The following ACADSB variants were observed in gnomAD, a reference collection of about 807,000 sequenced individuals.
ACADSB encodes acyl-CoA dehydrogenase short/branched chain, also known as short/branched chain specific acyl-CoA dehydrogenase, mitochondrial.
In ACADSB, 40 loss-of-function variants were observed where a neutral mutation model predicts 54.1. The observed-to-expected ratio is 0.74, with a 90% CI of 0.57 to 0.96. The LOEUF (loss-of-function observed/expected upper bound fraction) is 0.96. ACADSB is among the 40% of genes least tolerant of loss of function. ACADSB has a pLI of 0.00. For missense variants in ACADSB, 530 were observed against 510.4 expected (o/e 1.04, Z -0.37); for synonymous variants, 182 against 182.8 (o/e 1.00, Z 0.03).
At chr10:123,044,621 CT>C in intron 7 of ACADSB, 136 bp downstream of exon 7, 1 of 713,268 alleles carries the variant, frequency 1.4e-6, no homozygotes, top group Non-Finnish European at 2.5e-6. Flanking sequence ...GATAGAATGG[CT>C]TATTATTTCT....
chr10:123,013,871 G>A (rs1278438497), intron 1 of ACADSB, among the ~76,000 whole-genome samples: 1 of 152,134 alleles, frequency 6.6e-6, no homozygotes, highest in East Asian at 1.9e-4. Flanking sequence ...CCTGGTTCCC[G>A]CCCATGCCTC....
At position 123,057,984 on chromosome 10, in the gene ACADSB, A is replaced by G. The variant is rs563575934; in HGVS notation, c.*4219A>G. The G allele has an allele frequency of 2.7e-5, 4 of 150,760 alleles. No individual in the cohort carries two copies. The South Asian group carries it at 6.2e-4, about 23-fold the overall frequency. The allele number at this position is 150,760 out of a possible 1,614,324, so 9.3% of individuals were successfully genotyped here. On this transcript the variant is annotated 3_prime_UTR_variant, in exon 11 of 11. Transcript: ENST00000358776. ...TTAACTGGTAAAGAATGAACATTTC[A>G]GAAGTGTTAGGATTAGTCAGTGTCA...
At chr10:123,046,462 C>T (rs966515110) in intron 7 of ACADSB, among the ~76,000 whole-genome samples, 2 of 152,182 alleles carry the variant, frequency 1.3e-5, no homozygotes, top group African/African-American at 4.8e-5. Flanking sequence ...AAAATTGTCA[C>T]CACGTCCTGT....
intron 1 of ACADSB, among the ~76,000 whole-genome samples, chr10:123,015,868 A>G (rs995351225): frequency 1.3e-5 from 2 of 152,224 alleles, no homozygotes; most frequent in African/African-American, 4.8e-5. Flanking sequence ...AGACCATTTC[A>G]CAAGTCCACT....
intron 1 of ACADSB, among the ~76,000 whole-genome samples, chr10:123,015,644 A>G (rs1368559863): frequency 6.6e-6 from 1 of 152,226 alleles, no homozygotes; most frequent in African/African-American, 2.4e-5. Context: ...TTCTCCTTAT[A>G]ACCTGGTAGG....
chr10:123,058,142 A>G lies in ACADSB; in HGVS notation c.*4377A>G, dbSNP rs1303691822. The G allele has an allele frequency of 6.6e-6, 1 of 152,190 alleles. No individual in the cohort carries two copies. Among genetic ancestry groups the G allele is most frequent in the African/African-American group, 2.4e-5 (1 of 41,460 alleles). 9.4% of individuals were successfully genotyped at this position (152,190 alleles called of 1,614,324 possible). A position where few individuals can be genotyped will look rare whatever the true frequency, so the allele number is the denominator to read the frequency against. The stretch of plus-strand genomic sequence containing the variant: ...GATGTATTTTATAAATGTACTAGTT[A>G]TATCCTTGTTTATGTATTTTTGCTG... On this transcript the variant is annotated 3_prime_UTR_variant, in exon 11 of 11. Transcript: ENST00000358776.
In ACADSB at chr10:123,041,332, G is replaced by GATCCAGCACC. The variant is rs1224141540; in HGVS notation, c.635_636insTCCAGCACCA (p.Glu212AspfsTer22). On this transcript the variant is annotated frameshift_variant, in exon 5 of 11. Coordinates refer to ENST00000358776, the MANE Select transcript of ACADSB (RefSeq NM_001609.4). LOFTEE classifies it high-confidence loss of function. Reference sequence around the variant, plus strand: ...ATCAAAGATGTGGATCAGCAGTGCTGAGCACGCAGGGCTCTTTCTGGTGAT... The same window carrying GATCCAGCACC: ...ATCAAAGATGTGGATCAGCAGTGCTGATCCAGCACCAGCACGCAGGGCTCTTTCTGGTGAT... The GATCCAGCACC allele has an allele frequency of 6.2e-7, 1 of 1,614,196 alleles. No homozygotes were observed. Among genetic ancestry groups the GATCCAGCACC allele is most frequent in the South Asian group, 1.1e-5 (1 of 91,082 alleles).
Position 123,058,274 on chromosome 10 carries a change from G to A in ACADSB, c.*4509G>A, listed in dbSNP as rs936847867. 1 of 152,060 alleles carries A rather than the reference G, an allele frequency of 6.6e-6. No individual in the cohort carries two copies. Among genetic ancestry groups the A allele is most frequent in the African/African-American group, 2.4e-5 (1 of 41,398 alleles). The allele number at this position is 152,060 out of a possible 1,614,324, so 9.4% of individuals were successfully genotyped here. Reference sequence around the variant, plus strand: ...TTCTATGGAGAATGAAAAAAATAAAGGACTAAATTAACTGGAGATTTTTGG... The same window carrying A: ...TTCTATGGAGAATGAAAAAAATAAAAGACTAAATTAACTGGAGATTTTTGG... On this transcript the variant is annotated 3_prime_UTR_variant, in exon 11 of 11. Transcript: ENST00000358776.
chr10:123,054,374 T>C lies in ACADSB; in HGVS notation c.*609T>C, dbSNP rs1850677523. 6.5e-6 allele frequency: 1 copy of C among 152,734 alleles called. No homozygotes were observed. Among genetic ancestry groups the C allele is most frequent in the Non-Finnish European group, 1.5e-5 (1 of 68,394 alleles). The allele number at this position is 152,734 out of a possible 1,614,324, so 9.5% of individuals were successfully genotyped here. On this transcript the variant is annotated 3_prime_UTR_variant, in exon 11 of 11. Coordinates refer to ENST00000358776, the MANE Select transcript of ACADSB (RefSeq NM_001609.4). ...AGTATACAGAAGTTTCATCCCATCA[T>C]TTGGAAAAATAAAGGCATCTGAAGT...
intron 1 of ACADSB, among the ~76,000 whole-genome samples, chr10:123,013,496 G>C (rs928365711): frequency 3.9e-5 from 6 of 152,256 alleles, no homozygotes; most frequent in African/African-American, 1.2e-4. Context: ...CTCGCGCCTC[G>C]TGCCTGCACT....
chr10:123,013,994 T>C (rs553284982), intron 1 of ACADSB, among the ~76,000 whole-genome samples: 1 of 152,308 alleles, frequency 6.6e-6, no homozygotes, highest in Non-Finnish European at 1.5e-5. Flanking sequence ...GTGGCCAGAA[T>C]GGGCGCCGAG....
intron 2 of ACADSB, among the ~76,000 whole-genome samples, chr10:123,037,297 A>G (rs2133477255): frequency 6.6e-6 from 1 of 152,380 alleles, no homozygotes; most frequent in Non-Finnish European, 1.5e-5. Context: ...ATGCTGACAT[A>G]GAAAGATCAT....
chr10:123,051,974 G>A (rs1173975915), intron 9 of ACADSB, among the ~76,000 whole-genome samples: 1 of 152,086 alleles, frequency 6.6e-6, no homozygotes, highest in Non-Finnish European at 1.5e-5. Flanking sequence ...TAAATGGTGT[G>A]TTTGTCTCCC....
chr10:123,029,507 A>G (rs1850299742), intron 1 of ACADSB, among the ~76,000 whole-genome samples: 1 of 152,192 alleles, frequency 6.6e-6, no homozygotes, highest in South Asian at 2.1e-4. Context: ...TCATAAGAAT[A>G]TGTACTATCA....
intron 1 of ACADSB, among the ~76,000 whole-genome samples, chr10:123,024,609 A>G (rs1850225266): frequency 6.6e-6 from 1 of 152,262 alleles, no homozygotes; most frequent in Non-Finnish European, 1.5e-5. Flanking sequence ...TAGGGTGTCC[A>G]GGTTCTTGGC....
chr10:123,033,478 G>C (rs1850355351), intron 1 of ACADSB, among the ~76,000 whole-genome samples: 1 of 152,196 alleles, frequency 6.6e-6, no homozygotes, highest in Non-Finnish European at 1.5e-5. Flanking sequence ...ACAACAGGAA[G>C]GCACTCTCAT....
chr10:123,047,132 T>C, intron 7 of ACADSB, 77 bp from the exon 8 acceptor site: 1 of 1,191,814 alleles, frequency 8.4e-7, no homozygotes, highest in Non-Finnish European at 1.2e-6. Flanking sequence ...AATTTATGTT[T>C]AGAGGGAATT....
chr10:123,052,985 GA>G lies in ACADSB; in HGVS notation c.1129-72del. On this transcript the variant is annotated intron_variant, in intron 9 of 10. Coordinates refer to ENST00000358776, the MANE Select transcript of ACADSB (RefSeq NM_001609.4). The surrounding 1 kb of genome is among the most constrained non-coding windows in gnomAD (Gnocchi z 4.2). ...CCACTAACAGTAAATCCATGTTGCT[GA>G]AAATGTTACCCAGAAGTGTTTATCA... The G allele has an allele frequency of 8.3e-7, 1 of 1,199,188 alleles. No homozygotes were observed. 74.3% of individuals were successfully genotyped at this position (1,199,188 alleles called of 1,614,324 possible). A position where few individuals can be genotyped will look rare whatever the true frequency, so the allele number is the denominator to read the frequency against.
At chr10:123,036,931 G>A (rs937895111) in intron 2 of ACADSB, among the ~76,000 whole-genome samples, 8 of 152,206 alleles carry the variant, frequency 5.3e-5, no homozygotes, top group African/African-American at 1.9e-4. Context: ...CTTCTCTACC[G>A]ACTTGGTATT....
Sources: gnomAD v4.1 joint callset for allele counts (sites outside exome capture counted in the v4.1 genomes callset) on GRCh38, gnomAD v4.1.1 for gene constraint, Gnocchi (gnomAD v3.1) non-coding constraint, MANE v1.5 for transcripts, NCBI Gene and HGNC (gene_info 2026-07-23, HGNC 2026-07-21) for gene names.